DRC11: variants seen among roughly 807,000 people sequenced by gnomAD.
DRC11 encodes dynein regulatory complex subunit 11.
the DRC11 span, among the ~76,000 whole-genome samples, chr2:236,389,372 T>C: frequency 6.6e-6 from 1 of 152,060 alleles, no homozygotes; most frequent in Non-Finnish European, 1.5e-5. Context: ...TGGTGCACCG[T>C]TTTTTAAGCC....
chr2:236,410,570 A>G, the DRC11 span, among the ~76,000 whole-genome samples: 1 of 150,626 alleles, frequency 6.6e-6, no homozygotes, highest in Non-Finnish European at 1.5e-5. Flanking sequence ...GGAACCAAAA[A>G]AGAGCCCGCA....
At chr2:236,462,023 C>T in the DRC11 span, among the ~76,000 whole-genome samples, 1 of 152,114 alleles carries the variant, frequency 6.6e-6, no homozygotes, top group East Asian at 1.9e-4. This position sits in a 1 kb window ranked among gnomAD's most constrained non-coding sequence, Gnocchi z 6.4. Flanking sequence ...GCCCTTGGGC[C>T]CCATCCTGTA....
the DRC11 span, chr2:236,344,632 C>T: frequency 6.2e-7 from 1 of 1,613,392 alleles, no homozygotes; most frequent in South Asian, 1.1e-5. Flanking sequence ...AGGGCTGGAG[C>T]TGTCGAGCCA....
the DRC11 span, among the ~76,000 whole-genome samples, chr2:236,311,497 G>T: frequency 1.3e-5 from 2 of 152,186 alleles, no homozygotes; most frequent in African/African-American, 4.8e-5. This position sits in a 1 kb window ranked among gnomAD's most constrained non-coding sequence, Gnocchi z 6.9. Context: ...TTCTCCAGAC[G>T]TGGCCAGAAC....
the DRC11 span, among the ~76,000 whole-genome samples, chr2:236,494,679 C>T: frequency 2.6e-5 from 4 of 152,084 alleles, no homozygotes; most frequent in African/African-American, 7.2e-5. This position sits in a 1 kb window ranked among gnomAD's most constrained non-coding sequence, Gnocchi z 4.2. Context: ...GGTGTGACTC[C>T]CCATAACCTC....
chr2:236,447,010 T>A, the DRC11 span, among the ~76,000 whole-genome samples: 1 of 151,484 alleles, frequency 6.6e-6, no homozygotes, highest in East Asian at 1.9e-4. This position sits in a 1 kb window ranked among gnomAD's most constrained non-coding sequence, Gnocchi z 4.6. Context: ...CCCCCGTAGA[T>A]CTGCAGGATG....
chr2:236,436,263 C>A, the DRC11 span, among the ~76,000 whole-genome samples: 2 of 152,020 alleles, frequency 1.3e-5, no homozygotes, highest in African/African-American at 4.8e-5. Flanking sequence ...ATGAAAAATA[C>A]CCATTGTCAT....
chr2:236,343,676 T>A, the DRC11 span: 3 of 1,286,024 alleles, frequency 2.3e-6, no homozygotes, highest in East Asian at 1.7e-4. This position sits in a 1 kb window ranked among gnomAD's most constrained non-coding sequence, Gnocchi z 6.6. Flanking sequence ...GAGAACCCGG[T>A]CATTCCTGCC....
At chr2:236,343,558 G>A in the DRC11 span, 1 of 425,290 alleles carries the variant, frequency 2.4e-6, no homozygotes, top group Non-Finnish European at 4.6e-6. This position sits in a 1 kb window ranked among gnomAD's most constrained non-coding sequence, Gnocchi z 6.6. Context: ...TCTGGTGGGA[G>A]AGGGAGTAGC....
chr2:236,356,972 T>C, the DRC11 span, among the ~76,000 whole-genome samples: 1 of 116,064 alleles, frequency 8.6e-6, no homozygotes, highest in Non-Finnish European at 1.8e-5. Flanking sequence ...ATATATATTA[T>C]ATATTCATAT....
the DRC11 span, chr2:236,454,704 C>T: frequency 6.6e-6 from 1 of 152,186 alleles, no homozygotes; most frequent in African/African-American, 2.4e-5. The surrounding 1 kb of genome is among the most constrained non-coding windows in gnomAD (Gnocchi z 5.3). Flanking sequence ...CAGAAGATAT[C>T]TATTGTGAAC....
the DRC11 span, among the ~76,000 whole-genome samples, chr2:236,435,442 T>C: frequency 6.6e-6 from 1 of 152,236 alleles, no homozygotes; most frequent in Non-Finnish European, 1.5e-5. Flanking sequence ...ATGCCGGTAT[T>C]AGTCCATTCT....
the DRC11 span, among the ~76,000 whole-genome samples, chr2:236,478,752 T>C: frequency 6.6e-6 from 1 of 152,086 alleles, no homozygotes; most frequent in Non-Finnish European, 1.5e-5. The surrounding 1 kb of genome is among the most constrained non-coding windows in gnomAD (Gnocchi z 5.9). Context: ...TATTATATTA[T>C]CTTGCTGAAT....
the DRC11 span, among the ~76,000 whole-genome samples, chr2:236,446,803 C>A: frequency 6.6e-6 from 1 of 152,210 alleles, no homozygotes; most frequent in Admixed American, 6.5e-5. This position sits in a 1 kb window ranked among gnomAD's most constrained non-coding sequence, Gnocchi z 6.2. Flanking sequence ...GCCTCAGGCA[C>A]TGTCTGCCCA....
chr2:236,308,390 G>C, the DRC11 span, among the ~76,000 whole-genome samples: 4 of 152,344 alleles, frequency 2.6e-5, no homozygotes, highest in Middle Eastern at 3.4e-3. This position sits in a 1 kb window ranked among gnomAD's most constrained non-coding sequence, Gnocchi z 6.0. Context: ...ATCACCTTCT[G>C]TGTGTGTGAG....
the DRC11 span, among the ~76,000 whole-genome samples, chr2:236,461,770 T>A: frequency 6.6e-6 from 1 of 152,164 alleles, no homozygotes; most frequent in Non-Finnish European, 1.5e-5. The surrounding 1 kb of genome is among the most constrained non-coding windows in gnomAD (Gnocchi z 4.0). Context: ...GCTAAATGAC[T>A]TGCCCAAGCT....
At chr2:236,320,157 G>C in the DRC11 span, among the ~76,000 whole-genome samples, 1 of 152,222 alleles carries the variant, frequency 6.6e-6, no homozygotes, top group Non-Finnish European at 1.5e-5. Flanking sequence ...TCTAGTGGTG[G>C]AGGTTTCAGG....
chr2:236,430,121 C>T, the DRC11 span, among the ~76,000 whole-genome samples: 3,235 of 152,124 alleles, frequency 0.021, 32 homozygotes, highest in South Asian at 0.027. This position sits in a 1 kb window ranked among gnomAD's most constrained non-coding sequence, Gnocchi z 6.0. Context: ...TCATAATACA[C>T]TTGCTAAAAA....
chr2:236,358,284 TAC>T, the DRC11 span, among the ~76,000 whole-genome samples: 6 of 130,236 alleles, frequency 4.6e-5, 1 homozygote, highest in African/African-American at 1.9e-4. Context: ...TAGATATATA[TAC>T]TATATGAATA....
Sources: allele counts gnomAD v4.1 joint callset (sites outside exome capture counted in the v4.1 genomes callset), GRCh38; gene constraint gnomAD v4.1.1; non-coding constraint Gnocchi (gnomAD v3.1); transcripts MANE v1.5; gene names NCBI Gene and HGNC (gene_info 2026-07-23, HGNC 2026-07-21).